The following DPYD variants were observed in gnomAD, a reference collection of about 807,000 sequenced individuals.
DPYD encodes the protein dihydropyrimidine dehydrogenase [NADP(+)].
Under a neutral mutation model 116.2 loss-of-function variants are expected in DPYD, and 109 were observed. The ratio of observed to expected loss-of-function variants is 0.94; its 90% CI spans 0.80 to 1.10. DPYD has a LOEUF of 1.10. DPYD is among the 50% of genes least tolerant of loss of function. The probability of loss-of-function intolerance (pLI) is 0.00; values close to 1 mark genes in which losing one functional copy is unlikely to be tolerated. For synonymous variants in DPYD, 440 were observed against 432.0 expected (o/e 1.02, Z -0.23); for missense variants, 1,302 against 1,254.5 (o/e 1.04, Z -0.57).
Position 97,794,589 on chromosome 1 carries a change from A to G in DPYD, c.233+33525T>C, listed in dbSNP as rs527895852. Among the ~76,000 whole-genome samples, 3 of 152,290 alleles carry G rather than the reference A, an allele frequency of 2.0e-5. No individual in the cohort carries two copies. In the South Asian group the frequency reaches 6.2e-4, roughly 32 times the overall value. On this transcript the variant is annotated intron_variant, in intron 3 of 22. Transcript: ENST00000370192. ...AAAAAGCTTGTTTGACCTGGATTCCATTCACCTAAGGGTACATATTATCAA... is the reference window on the plus strand; with the variant it reads ...AAAAAGCTTGTTTGACCTGGATTCCGTTCACCTAAGGGTACATATTATCAA...
intron 1 of DPYD, among the ~76,000 whole-genome samples, chr1:97,909,055 T>C (rs1673789141): frequency 6.6e-6 from 1 of 152,116 alleles, no homozygotes; most frequent in Non-Finnish European, 1.5e-5. Flanking sequence ...AAGTAGAAAA[T>C]AAATACTGCC....
Position 97,828,106 on chromosome 1 carries a change from A to C in DPYD, c.233+8T>G, listed in dbSNP as rs1381495136. ...TCTGTGACTGTTGCTATGGTGACCC[A>C]GACTTACCTCATTGCTTCTCGGAGA... On this transcript the variant is annotated splice_region_variant and intron_variant, in intron 3 of 22. Coordinates refer to ENST00000370192, the MANE Select transcript of DPYD (RefSeq NM_000110.4). The C allele has an allele frequency of 6.2e-7, 1 of 1,613,428 alleles. No homozygotes were observed. Among genetic ancestry groups the C allele is most frequent in the Admixed American group, 1.7e-5 (1 of 59,976 alleles).
At chr1:97,410,890 A>G (rs1465120828) in intron 14 of DPYD, among the ~76,000 whole-genome samples, 1 of 152,174 alleles carries the variant, frequency 6.6e-6, no homozygotes, top group Non-Finnish European at 1.5e-5. Context: ...ACACAGAAAA[A>G]GTTCCTAGAA....
intron 2 of DPYD, among the ~76,000 whole-genome samples, chr1:97,830,986 G>A (rs1261661760): frequency 6.6e-6 from 1 of 152,152 alleles, no homozygotes; most frequent in Non-Finnish European, 1.5e-5. Flanking sequence ...ACTAACAGAA[G>A]AACAAATGCT....
At chr1:97,757,585 T>C (rs1665318875) in intron 3 of DPYD, among the ~76,000 whole-genome samples, 1 of 152,206 alleles carries the variant, frequency 6.6e-6, no homozygotes, top group South Asian at 2.1e-4. Context: ...CTTTTGAGGA[T>C]ATGCGTTCCT....
intron 8 of DPYD, among the ~76,000 whole-genome samples, chr1:97,632,915 A>C (rs538186057): frequency 6.6e-6 from 1 of 152,230 alleles, no homozygotes; most frequent in East Asian, 1.9e-4. Flanking sequence ...TGGTCTTTAG[A>C]GCCTAAAGAT....
At chr1:97,709,606 A>C (rs1662169574) in intron 5 of DPYD, among the ~76,000 whole-genome samples, 1 of 151,754 alleles carries the variant, frequency 6.6e-6, no homozygotes, top group Admixed American at 6.6e-5. Flanking sequence ...AGAAAGGGAG[A>C]GATTATATTG....
intron 19 of DPYD, among the ~76,000 whole-genome samples, chr1:97,199,897 A>C (rs1040390314): frequency 5.3e-5 from 8 of 152,366 alleles, no homozygotes; most frequent in East Asian, 1.9e-4. Flanking sequence ...CACGTAATCT[A>C]GAATTTCAAG....
At chr1:97,529,393 T>C (rs1186550077) in intron 12 of DPYD, among the ~76,000 whole-genome samples, 1 of 152,238 alleles carries the variant, frequency 6.6e-6, no homozygotes. Context: ...ATTTTATTTA[T>C]TAATGGTTAA....
chr1:97,320,111 C>A lies in DPYD; in HGVS notation c.2059-13814G>T, dbSNP rs1668149342. ...AATAATAAGAGCTATCTATGACAAA[C>A]CCACAGCCAATATCATACTGAATGG... On this transcript the variant is annotated intron_variant, in intron 16 of 22. Transcript: ENST00000370192. Among the ~76,000 whole-genome samples, 3 of 123,220 alleles carry A rather than the reference C, an allele frequency of 2.4e-5. No individual in the cohort carries two copies. In the Admixed American group the frequency reaches 2.5e-4, roughly 10 times the overall value. The allele number at this position is 123,220 out of a possible 152,430, so 80.8% of individuals were successfully genotyped here.
intron 3 of DPYD, among the ~76,000 whole-genome samples, chr1:97,824,012 C>T (rs1400600121): frequency 6.6e-6 from 1 of 151,676 alleles, no homozygotes; most frequent in Non-Finnish European, 1.5e-5. Context: ...TTCATCAGAT[C>T]TTTATAGTAT....
At position 97,722,523 on chromosome 1, in the gene DPYD, T is replaced by A. The variant is rs191808312; in HGVS notation, c.322-852A>T. Among the ~76,000 whole-genome samples the A allele has an allele frequency of 3.4e-4, 52 of 151,668 alleles. 1 individual carries two copies. In the East Asian group the frequency reaches 4.4e-3, roughly 13 times the overall value. The stretch of plus-strand genomic sequence containing the variant: ...GAAACTCTCTGTACTACTGTCACAA[T>A]TTTTCCATAAATCTAAAACTGCTCT... On this transcript the variant is annotated intron_variant, in intron 4 of 22. Transcript: ENST00000370192.
In DPYD at chr1:97,439,632, T is replaced by C. The variant is rs367575823; in HGVS notation, c.1905+10427A>G. Among the ~76,000 whole-genome samples, 79 of 152,224 alleles carry C rather than the reference T, an allele frequency of 5.2e-4. 1 individual carries two copies. In the South Asian group the frequency reaches 0.015, roughly 28 times the overall value. On this transcript the variant is annotated intron_variant, in intron 14 of 22. Transcript: ENST00000370192. The stretch of plus-strand genomic sequence containing the variant: ...TTTCCTGATCAGTCTGGCTAAAGTT[T>C]GGTCAATTTTTTTCGTCTCCGCAAG...
intron 3 of DPYD, among the ~76,000 whole-genome samples, chr1:97,746,113 C>T (rs1310507846): frequency 6.6e-6 from 1 of 152,046 alleles, no homozygotes; most frequent in Non-Finnish European, 1.5e-5. Flanking sequence ...CTTACCCAAC[C>T]TTAGTAGTCA....
chr1:97,194,505 T>G (rs937712621), intron 19 of DPYD, among the ~76,000 whole-genome samples: 4 of 151,696 alleles, frequency 2.6e-5, no homozygotes, highest in African/African-American at 7.2e-5. Context: ...ATCTTTTTAT[T>G]TATTTATTTA....
intron 20 of DPYD, among the ~76,000 whole-genome samples, chr1:97,145,997 GA>G (rs1239137487): frequency 6.6e-6 from 1 of 151,994 alleles, no homozygotes; most frequent in African/African-American, 2.4e-5. Flanking sequence ...AAAAGGAGGA[GA>G]AAAAAATATC....
chr1:97,364,559 T>C (rs535865555), intron 16 of DPYD, among the ~76,000 whole-genome samples: 18 of 152,276 alleles, frequency 1.2e-4, no homozygotes, highest in African/African-American at 4.3e-4. Context: ...AGTACATATA[T>C]TCATTAAGCA....
At chr1:97,258,228 T>C (rs1044231097) in intron 18 of DPYD, among the ~76,000 whole-genome samples, 3 of 152,104 alleles carry the variant, frequency 2.0e-5, no homozygotes, top group Non-Finnish European at 4.4e-5. Context: ...TCTAGTCAGT[T>C]CCATGTCAGC....
At chr1:97,282,076 C>G (rs957194976) in intron 18 of DPYD, among the ~76,000 whole-genome samples, 2 of 151,772 alleles carry the variant, frequency 1.3e-5, no homozygotes. Context: ...TATTGACTTA[C>G]CACTTGATAT....
Sources: gnomAD v4.1 joint callset for allele counts (sites outside exome capture counted in the v4.1 genomes callset) on GRCh38, gnomAD v4.1.1 for gene constraint, MANE v1.5 for transcripts, NCBI Gene and HGNC (gene_info 2026-07-23, HGNC 2026-07-21) for gene names.